Variants in LGR4 observed in about 807,000 individuals in gnomAD.
LGR4 encodes the protein leucine-rich repeat-containing G protein-coupled receptor 4.
In LGR4, 44 loss-of-function variants were observed where a neutral mutation model predicts 84.8. The ratio of observed to expected loss-of-function variants is 0.52; its 90% CI spans 0.41 to 0.67. The LOEUF is 0.67. Among genes scored for constraint, LGR4 ranks in the 30% least tolerant of loss-of-function variants. The pLI is 0.00. For synonymous variants in LGR4, 429 were observed against 434.3 expected (o/e 0.99, Z 0.15); for missense variants, 1,032 against 1,131.4 (o/e 0.91, Z 1.26).
intron 1 of LGR4, among the ~76,000 whole-genome samples, chr11:27,417,531 A>G (rs1863844052): frequency 6.6e-6 from 1 of 152,212 alleles, no homozygotes; most frequent in South Asian, 2.1e-4. Flanking sequence ...GTAAAGACAC[A>G]CATAACACCA....
At chr11:27,410,784 T>C (rs956744772) in intron 2 of LGR4, among the ~76,000 whole-genome samples, 1 of 152,142 alleles carries the variant, frequency 6.6e-6, no homozygotes, top group Non-Finnish European at 1.5e-5. Flanking sequence ...AGAGAGAGTA[T>C]ACGGACTTGA....
intron 1 of LGR4, among the ~76,000 whole-genome samples, chr11:27,433,294 G>A (rs560134060): frequency 2.6e-5 from 4 of 152,184 alleles, no homozygotes; most frequent in South Asian, 4.2e-4. Context: ...CTCACTACAA[G>A]CTCCGCCTCC....
Position 27,441,995 on chromosome 11 carries a change from A to T in LGR4, c.186-29135T>A, listed in dbSNP as rs575355670. On this transcript the variant is annotated intron_variant, in intron 1 of 17. Transcript: ENST00000379214. ...GGAACAGAGATTGTGAGTTAAGATG[A>T]AAGCCCAGTGACCTATGGGCAACAA... is the stretch of plus-strand genomic sequence containing the variant. Among the ~76,000 whole-genome samples the T allele has an allele frequency of 5.0e-4, 76 of 152,328 alleles. 1 individual carries two copies. The highest frequency in any genetic ancestry group is 1.8e-3 in the African/African-American group (74 of 41,576).
chr11:27,385,456 G>A lies in LGR4; in HGVS notation c.414C>T (p.Ala138=). 2.5e-6 allele frequency: 4 copies of A among 1,601,580 alleles called. No individual in the cohort carries two copies. The highest frequency in any genetic ancestry group is 3.4e-6 in the Non-Finnish European group (4 of 1,173,950). Residue 138 remains alanine, a synonymous_variant, in exon 5 of 18, where the codon GCC becomes GCT. Coordinates refer to ENST00000379214, the MANE Select transcript of LGR4 (RefSeq NM_018490.5). ...CCTCGGGGACTGAGGTAATATGGTTGGCATCTAAACGCCTAACAGAAACAA... is the reference window on the plus strand; with the variant it reads ...CCTCGGGGACTGAGGTAATATGGTTAGCATCTAAACGCCTAACAGAAACAA... ...LSALQSLRLD[A]NHITSVPEDS...
chr11:27,437,290 T>G (rs897107627), intron 1 of LGR4, among the ~76,000 whole-genome samples: 1 of 150,782 alleles, frequency 6.6e-6, no homozygotes, highest in Non-Finnish European at 1.5e-5. Flanking sequence ...CCCTACTGTT[T>G]TGGCCAATTT....
intron 2 of LGR4, among the ~76,000 whole-genome samples, chr11:27,411,387 A>G (rs1322594163): frequency 6.6e-6 from 1 of 151,732 alleles, no homozygotes; most frequent in South Asian, 2.1e-4. Context: ...GTTCACTATA[A>G]GAAAAAAAAA....
chr11:27,448,657 A>G (rs187880152), intron 1 of LGR4, among the ~76,000 whole-genome samples: 116 of 152,330 alleles, frequency 7.6e-4, no homozygotes, highest in African/African-American at 2.7e-3. Context: ...TTTGTTCACA[A>G]TCCAAATTAT....
chr11:27,413,784 G>A (rs558353814), intron 1 of LGR4, among the ~76,000 whole-genome samples: 1 of 152,238 alleles, frequency 6.6e-6, no homozygotes, highest in South Asian at 2.1e-4. Flanking sequence ...TATGAGGAAG[G>A]AGAAGAGAAA....
At chr11:27,397,732 A>ACC (rs1168816222) in intron 2 of LGR4, among the ~76,000 whole-genome samples, 1 of 152,242 alleles carries the variant, frequency 6.6e-6, no homozygotes, top group Admixed American at 6.5e-5. Flanking sequence ...AAACATGGGA[A>ACC]CATCAGTCCA....
chr11:27,373,822 C>A (rs557574586), intron 14 of LGR4, 146 bp from the exon 15 acceptor site: 21 of 1,005,352 alleles, frequency 2.1e-5, no homozygotes, highest in Non-Finnish European at 2.8e-5. Flanking sequence ...ATGTATCTTG[C>A]CGTTTAAGAA....
chr11:27,409,067 C>G (rs994894138), intron 2 of LGR4, among the ~76,000 whole-genome samples: 3 of 151,858 alleles, frequency 2.0e-5, no homozygotes, highest in Non-Finnish European at 4.4e-5. Flanking sequence ...ACAGAAGAAG[C>G]AGGATTGGAA....
At chr11:27,438,549 T>C (rs1045181497) in intron 1 of LGR4, among the ~76,000 whole-genome samples, 5 of 152,190 alleles carry the variant, frequency 3.3e-5, no homozygotes, top group African/African-American at 1.2e-4. Flanking sequence ...TCCCACATAT[T>C]TGGTTAAACG....
At chr11:27,445,519 A>G (rs1481979195) in intron 1 of LGR4, among the ~76,000 whole-genome samples, 4 of 152,176 alleles carry the variant, frequency 2.6e-5, no homozygotes, top group Non-Finnish European at 5.9e-5. Flanking sequence ...GGCTTCATAA[A>G]TGTTAAAACA....
At chr11:27,436,128 G>A (rs1484768321) in intron 1 of LGR4, among the ~76,000 whole-genome samples, 4 of 151,722 alleles carry the variant, frequency 2.6e-5, no homozygotes, top group African/African-American at 9.7e-5. Context: ...AGCCAGGATG[G>A]TCTCGATCTC....
At chr11:27,469,526 C>G (rs1222635882) in intron 1 of LGR4, among the ~76,000 whole-genome samples, 1 of 152,148 alleles carries the variant, frequency 6.6e-6, no homozygotes, top group Non-Finnish European at 1.5e-5. Flanking sequence ...AATCACTGCC[C>G]TGTCAGTCCC....
chr11:27,368,859 C>T lies in LGR4; in HGVS notation c.1864G>A (p.Gly622Arg). ...TCTGAGGAGAAAACTGCAAGAAACC[C>T]AGCTACTTTGCAGCCACTGCCAGTT... The part of the protein sequence containing the change: ...WETGSGCKVA[G>R]FLAVFSSESA... Residue 622 changes from glycine to arginine, a missense_variant, in exon 18 of 18, where the codon GGG (glycine) becomes AGG (arginine). By Grantham distance (125) the Gly-to-Arg change is moderately radical. Coordinates refer to ENST00000379214, the MANE Select transcript of LGR4 (RefSeq NM_018490.5). 1 of 1,614,080 alleles carries T rather than the reference C, an allele frequency of 6.2e-7. No homozygotes were observed.
chr11:27,415,237 A>T (rs1381182472), intron 1 of LGR4, among the ~76,000 whole-genome samples: 1 of 152,158 alleles, frequency 6.6e-6, no homozygotes, highest in East Asian at 1.9e-4. Context: ...GACAACAAGA[A>T]TTGATTGCTT....
rs1186345708 is a variant in LGR4, at chr11:27,366,173, T to C, written c.*1694A>G. 1.3e-5 allele frequency: 2 copies of C among 152,590 alleles called. No individual in the cohort carries two copies. Among genetic ancestry groups the C allele is most frequent in the Non-Finnish European group, 1.5e-5 (1 of 67,968 alleles). 9.5% of individuals were successfully genotyped at this position (152,590 alleles called of 1,614,324 possible). On this transcript the variant is annotated 3_prime_UTR_variant, in exon 18 of 18. Transcript: ENST00000379214. ...TTAATATTTATCAGATGTGTAAATA[T>C]ACATGATAGCAATTTTTAAAACTTG...
chr11:27,461,410 A>T (rs373669075), intron 1 of LGR4, among the ~76,000 whole-genome samples: 1 of 152,122 alleles, frequency 6.6e-6, no homozygotes, highest in African/African-American at 2.4e-5. Flanking sequence ...TACTTTCAAA[A>T]TACTTAAAAA....
Sources: gnomAD v4.1 joint callset for allele counts (sites outside exome capture counted in the v4.1 genomes callset) on GRCh38, gnomAD v4.1.1 for gene constraint, MANE v1.5 for transcripts, NCBI Gene and HGNC (gene_info 2026-07-23, HGNC 2026-07-21) for gene names.